ARHGAP32: variants seen among roughly 807,000 people sequenced by gnomAD.
ARHGAP32 encodes rho GTPase-activating protein 32.
A neutral mutation model predicts 186.5 loss-of-function variants in ARHGAP32; 51 were observed. The ratio of observed to expected loss-of-function variants is 0.27; its 90% confidence interval spans 0.22 to 0.35. ARHGAP32 has a LOEUF of 0.35. ARHGAP32 is among the 10% of genes least tolerant of loss of function. The pLI, the probability that ARHGAP32 is intolerant of heterozygous loss-of-function variation, is 1.00. For missense variants in ARHGAP32, 2,186 were observed against 2,623.5 expected (o/e 0.83, Z 3.64); for synonymous variants, 950 against 964.3 (o/e 0.99, Z 0.27).
chr11:128,974,156 C>T lies in ARHGAP32; in HGVS notation c.3041G>A (p.Ser1014Asn). The T allele has an allele frequency of 6.2e-7, 1 of 1,614,228 alleles. No homozygotes were observed. The highest frequency in any genetic ancestry group is 8.5e-7 in the Non-Finnish European group (1 of 1,180,032). The change falls in exon 21 of 23, where the codon AGT becomes AAT. Residue 1014 changes from serine to asparagine, a missense_variant. Ser to Asn is a conservative substitution (Grantham distance 46). Transcript: ENST00000682385. Reference sequence around the variant, plus strand: ...AGTCTGTCCAGAAGCTACAGCCTTACTCTGACTGCTTGAGACAGACTGATC... The same window carrying T: ...AGTCTGTCCAGAAGCTACAGCCTTATTCTGACTGCTTGAGACAGACTGATC... ...KEDQSVSSSQ[S>N]KAVASGQTQT...
At chr11:129,067,141 T>G (rs17138144) in intron 6 of ARHGAP32, among the ~76,000 whole-genome samples, 1,728 of 152,006 alleles carry the variant, frequency 0.011, 34 homozygotes, top group African/African-American at 0.04. Flanking sequence ...GAACAATAAC[T>G]GCTAAATGGT....
intron 1 of ARHGAP32, among the ~76,000 whole-genome samples, chr11:129,228,629 T>TTG (rs1944816110): frequency 6.6e-6 from 1 of 152,154 alleles, no homozygotes; most frequent in African/African-American, 2.4e-5. Context: ...ATACCACATG[T>TTG]TCTCACTATT....
intron 2 of ARHGAP32, among the ~76,000 whole-genome samples, chr11:129,140,821 A>C (rs1943034889): frequency 6.6e-6 from 1 of 152,192 alleles, no homozygotes; most frequent in Admixed American, 6.5e-5. Flanking sequence ...TGAAGTCTAC[A>C]ATCTGTTCCA....
chr11:129,254,735 AAAC>A (rs1945231289), intron 1 of ARHGAP32, among the ~76,000 whole-genome samples: 1 of 152,148 alleles, frequency 6.6e-6, no homozygotes, highest in African/African-American at 2.4e-5. Flanking sequence ...ATGATAAAGG[AAAC>A]AACTGGTTAC....
At chr11:129,210,745 A>G (rs1485703560) in intron 1 of ARHGAP32, among the ~76,000 whole-genome samples, 1 of 152,200 alleles carries the variant, frequency 6.6e-6, no homozygotes, top group Non-Finnish European at 1.5e-5. Context: ...ATCACTAACC[A>G]AGTATGATCT....
chr11:129,272,938 A>T (rs1945489725), intron 1 of ARHGAP32, among the ~76,000 whole-genome samples: 1 of 152,196 alleles, frequency 6.6e-6, no homozygotes, highest in Non-Finnish European at 1.5e-5. Flanking sequence ...TGTGTGTAAA[A>T]ATCTGGCTTT....
At chr11:128,994,948 A>G (rs144454081) in intron 12 of ARHGAP32, among the ~76,000 whole-genome samples, 1 of 152,244 alleles carries the variant, frequency 6.6e-6, no homozygotes, top group East Asian at 1.9e-4. Flanking sequence ...TAAGGTCACA[A>G]GTTAATTTTT....
intron 1 of ARHGAP32, among the ~76,000 whole-genome samples, chr11:129,241,149 GTA>G (rs1945012057): frequency 6.6e-6 from 1 of 152,102 alleles, no homozygotes. Flanking sequence ...TGTACAAAAT[GTA>G]TATGTCAGTA....
intron 2 of ARHGAP32, among the ~76,000 whole-genome samples, chr11:129,131,835 T>G (rs1163373319): frequency 1.3e-5 from 2 of 152,168 alleles, no homozygotes; most frequent in Non-Finnish European, 2.9e-5. Flanking sequence ...ATAAAGTCTG[T>G]GGGGATAACC....
intron 12 of ARHGAP32, among the ~76,000 whole-genome samples, chr11:128,992,396 A>G (rs73029250): frequency 0.054 from 8,193 of 152,046 alleles, 346 homozygotes; most frequent in Middle Eastern, 0.078. Flanking sequence ...AAAAAAATCA[A>G]TGATACCAGA....
At chr11:129,151,280 G>T (rs1410417117) in intron 2 of ARHGAP32, among the ~76,000 whole-genome samples, 4 of 152,132 alleles carry the variant, frequency 2.6e-5, no homozygotes, top group Admixed American at 2.6e-4. Context: ...CACAATAATA[G>T]TGGGGAAATT....
In ARHGAP32 at chr11:128,972,500, C is replaced by T. The variant is rs1565347487; in HGVS notation, c.4006G>A (p.Gly1336Arg). The change falls in exon 22 of 23, where the codon GGG (glycine) becomes AGG (arginine). Residue 1336 changes from glycine (G) to arginine (R), a missense_variant. Around this residue, in one of 5 missense-constraint regions of ARHGAP32, gnomAD observed 1,502 missense variants for 1,570.0 expected, o/e 0.96. Coordinates refer to ENST00000682385, the MANE Select transcript of ARHGAP32 (RefSeq NM_001378024.1). ...ATATTGGTTGCTGCTTGTACCTGCC[C>T]CACAACTGGTGGCTGCTCTGCAGAT... ...QRSAEQPPVV[G>R]QVQAATNIGL... 3.9e-6 allele frequency: 6 copies of T among 1,533,092 alleles called. No individual in the cohort carries two copies. Among genetic ancestry groups the T allele is most frequent in the Non-Finnish European group, 4.4e-6 (5 of 1,140,838 alleles). The allele number at this position is 1,533,092 out of a possible 1,614,324, so 95.0% of individuals were successfully genotyped here. A position where few individuals can be genotyped will look rare whatever the true frequency, so the allele number is the denominator to read the frequency against.
At chr11:128,975,577 C>G (rs73029235) in intron 20 of ARHGAP32, among the ~76,000 whole-genome samples, 1 of 151,710 alleles carries the variant, frequency 6.6e-6, no homozygotes, top group East Asian at 1.9e-4. Context: ...TCATTTTTTT[C>G]TTTAAGAATA....
chr11:129,031,855 T>C (rs1208335431), intron 11 of ARHGAP32, among the ~76,000 whole-genome samples: 1 of 152,110 alleles, frequency 6.6e-6, no homozygotes, highest in East Asian at 1.9e-4. Context: ...AGTAGAGCCG[T>C]AGAGCAGCAG....
rs570906937 is a variant in ARHGAP32 at position 129,160,514 on chromosome 11, G to A, written c.225+3805C>T. ...ACTCCCACTCACAATGGCTAAAAGA[G>A]AATAAAATACCTAGGATGATAAAAT... On this transcript the variant is annotated intron_variant, in intron 2 of 22. Coordinates refer to ENST00000682385, the MANE Select transcript of ARHGAP32 (RefSeq NM_001378024.1). 3.3e-5 allele frequency among the ~76,000 whole-genome samples: 5 copies of A among 152,150 alleles called. No individual in the cohort carries two copies. In the South Asian group the frequency reaches 1.0e-3, roughly 32 times the overall value.
intron 1 of ARHGAP32, among the ~76,000 whole-genome samples, chr11:129,245,586 A>C (rs1011678274): frequency 6.7e-6 from 1 of 150,156 alleles, no homozygotes; most frequent in African/African-American, 2.5e-5. Flanking sequence ...GTACCCTAAA[A>C]CTTAAAGTAT....
rs367874384 is a variant in ARHGAP32 at position 129,197,889 on chromosome 11, T to C, written c.-4-33462A>G. Among the ~76,000 whole-genome samples, 8 of 152,312 alleles carry C rather than the reference T, an allele frequency of 5.3e-5. No homozygotes were observed. In the South Asian group the frequency reaches 1.0e-3, roughly 20 times the overall value. ...TTATGGAACACTGATGTATTCTGGA[T>C]CATTATATATACATTGACATTTGGT... On this transcript the variant is annotated intron_variant, in intron 1 of 6. Transcript: ENST00000525234.
At chr11:129,246,753 T>A (rs1681231645) in intron 1 of ARHGAP32, among the ~76,000 whole-genome samples, 1 of 152,200 alleles carries the variant, frequency 6.6e-6, no homozygotes, top group Admixed American at 6.6e-5. Flanking sequence ...CGACCTTCTA[T>A]CTCTGTAGGC....
At chr11:129,142,737 A>T (rs904384783) in intron 2 of ARHGAP32, among the ~76,000 whole-genome samples, 3 of 151,908 alleles carry the variant, frequency 2.0e-5, no homozygotes, top group Admixed American at 1.3e-4. Context: ...AAAAACCACT[A>T]AAATATGCAT....
Sources: allele counts gnomAD v4.1 joint callset (sites outside exome capture counted in the v4.1 genomes callset), GRCh38; gene constraint gnomAD v4.1.1; regional missense constraint gnomAD v4.1.1; transcripts MANE v1.5; gene names NCBI Gene and HGNC (gene_info 2026-07-23, HGNC 2026-07-21).